Variants in RAPGEF6 observed in about 807,000 individuals in gnomAD.
RAPGEF6 encodes Rap guanine nucleotide exchange factor 6.
Under a neutral mutation model 171.4 loss-of-function variants are expected in RAPGEF6, and 56 were observed. The observed-to-expected ratio is 0.33, with a 90% CI of 0.26 to 0.41. The LOEUF (loss-of-function observed/expected upper bound fraction) is 0.41, where lower values mean the gene tolerates loss of function less well. Among genes scored for constraint, RAPGEF6 ranks in the 10% least tolerant of loss-of-function variants. RAPGEF6 has a pLI of 1.00. For missense variants in RAPGEF6, 1,674 were observed against 1,921.4 expected (o/e 0.87, Z 2.41); for synonymous variants, 692 against 650.1 (o/e 1.06, Z -0.98).
intron 24 of RAPGEF6, among the ~76,000 whole-genome samples, chr5:131,434,083 T>C (rs1431527744): frequency 6.6e-6 from 1 of 152,226 alleles, no homozygotes; most frequent in East Asian, 1.9e-4. Context: ...CTTGACCTGA[T>C]CTGAATCCCA....
At position 131,469,836 on chromosome 5, in the gene RAPGEF6, G is replaced by A; in HGVS notation, c.2239+2751C>T. 3.3e-6 allele frequency: 5 copies of A among 1,517,388 alleles called. No individual in the cohort carries two copies. In the South Asian group the frequency reaches 6.1e-5, roughly 19 times the overall value. 94.0% of individuals were successfully genotyped at this position (1,517,388 alleles called of 1,614,324 possible). A position where few individuals can be genotyped will look rare whatever the true frequency, so the allele number is the denominator to read the frequency against. Reference sequence around the variant, plus strand: ...AACAGCTGTATGCAGCAAAAATAAAGCAAAATCAAAGTAAGCAATCAAAAA... The same window carrying A: ...AACAGCTGTATGCAGCAAAAATAAAACAAAATCAAAGTAAGCAATCAAAAA... On this transcript the variant is annotated intron_variant, in intron 17 of 27. Transcript: ENST00000509018.
intron 9 of RAPGEF6, among the ~76,000 whole-genome samples, chr5:131,506,219 T>C (rs767719429): frequency 1.3e-5 from 2 of 152,200 alleles, no homozygotes; most frequent in Non-Finnish European, 2.9e-5. Context: ...TAGCTCACTG[T>C]AGCTTCAAAG....
intron 6 of RAPGEF6, among the ~76,000 whole-genome samples, chr5:131,526,969 G>A (rs1268113487): frequency 6.6e-6 from 1 of 152,146 alleles, no homozygotes; most frequent in African/African-American, 2.4e-5. Flanking sequence ...GAGGTATTGA[G>A]AAAAGGCTAG....
At chr5:131,573,757 C>T (rs1006606149) in intron 4 of RAPGEF6, among the ~76,000 whole-genome samples, 18 of 152,120 alleles carry the variant, frequency 1.2e-4, no homozygotes, top group African/African-American at 2.7e-4. Context: ...AAACTACCCA[C>T]GGTAAAGATG....
chr5:131,523,159 C>T (rs746465618), intron 6 of RAPGEF6, among the ~76,000 whole-genome samples: 1 of 151,922 alleles, frequency 6.6e-6, no homozygotes, highest in Non-Finnish European at 1.5e-5. Flanking sequence ...ATAGGGTTAC[C>T]AGACACAGTC....
intron 7 of RAPGEF6, among the ~76,000 whole-genome samples, chr5:131,517,049 A>G (rs1758130669): frequency 6.6e-6 from 1 of 152,194 alleles, no homozygotes; most frequent in African/African-American, 2.4e-5. Flanking sequence ...GTTCTTACTT[A>G]TAAGTGGGCG....
chr5:131,472,740 C>T lies in RAPGEF6; in HGVS notation c.2086G>A (p.Gly696Arg), dbSNP rs781592513. The stretch of plus-strand genomic sequence containing the variant: ...TCATCTTGTGATTGGCTTAGGCCTC[C>T]ATCACTTCAAAAGAATGTCATATAT... ...SILPPKLFSD[G>R]GLSQSQDDSI... The change falls in exon 17 of 28, where the codon GGA (glycine) becomes AGA (arginine). Residue 696 changes from glycine to arginine, a missense_variant. Around this residue, in one of 3 missense-constraint regions of RAPGEF6, gnomAD observed 1,116 missense variants for 1,321.5 expected, o/e 0.84. Coordinates refer to ENST00000509018, the MANE Select transcript of RAPGEF6 (RefSeq NM_016340.6). 1.2e-6 allele frequency: 2 copies of T among 1,607,366 alleles called. No homozygotes were observed. Among genetic ancestry groups the T allele is most frequent in the Admixed American group, 1.7e-5 (1 of 59,976 alleles).
At chr5:131,479,314 T>C (rs1755312544) in intron 16 of RAPGEF6, among the ~76,000 whole-genome samples, 199 bp downstream of exon 16, 1 of 152,178 alleles carries the variant, frequency 6.6e-6, no homozygotes, top group Non-Finnish European at 1.5e-5. Flanking sequence ...AATAATGCTA[T>C]TATATAATCT....
At position 131,511,479 on chromosome 5, in the gene RAPGEF6, ATCTTTTTTTTTTTTTTT is replaced by A. The variant is rs1301841745; in HGVS notation, c.628-1005_628-989del. On this transcript the variant is annotated intron_variant, in intron 7 of 27. Transcript: ENST00000509018. ...ACCCTTTTTTACTGCCAAAAAGATC[ATCTTTTTTTTTTTTTTT>A]TCTTTTTTTTGAGACAGGTTCTCCC... 2.1e-4 allele frequency among the ~76,000 whole-genome samples: 17 copies of A among 79,468 alleles called. No individual in the cohort carries two copies. In the East Asian group the frequency reaches 4.3e-3, roughly 20 times the overall value. The allele number at this position is 79,468 out of a possible 152,430, so 52.1% of individuals were successfully genotyped here.
At chr5:131,501,231 G>A (rs1451312963) in intron 11 of RAPGEF6, among the ~76,000 whole-genome samples, 1 of 151,968 alleles carries the variant, frequency 6.6e-6, no homozygotes, top group Non-Finnish European at 1.5e-5. Context: ...AGCTACCTAG[G>A]AGGCTGAGGC....
intron 3 of RAPGEF6, among the ~76,000 whole-genome samples, chr5:131,596,326 T>G (rs1344985724): frequency 6.7e-6 from 1 of 148,550 alleles, no homozygotes; most frequent in African/African-American, 2.5e-5. Flanking sequence ...AACAATTACA[T>G]TATTTATAAT....
At chr5:131,559,081 C>T (rs969029056) in intron 5 of RAPGEF6, among the ~76,000 whole-genome samples, 5 of 152,090 alleles carry the variant, frequency 3.3e-5, no homozygotes, top group Admixed American at 6.5e-5. Context: ...TTAATCCCAG[C>T]GCTTTGGGAG....
intron 11 of RAPGEF6, among the ~76,000 whole-genome samples, chr5:131,503,187 GA>G (rs1208605958): frequency 1.3e-5 from 2 of 152,036 alleles, no homozygotes; most frequent in East Asian, 1.9e-4. Context: ...TTGTTTTTAG[GA>G]AATACACAAT....
In RAPGEF6 at chr5:131,479,757, T is replaced by C. The variant is rs745671854; in HGVS notation, c.1841-4A>G. On this transcript the variant is annotated splice_polypyrimidine_tract_variant and splice_region_variant and intron_variant, in intron 15 of 27. Coordinates refer to ENST00000509018, the MANE Select transcript of RAPGEF6 (RefSeq NM_016340.6). ...CTAAAAAGTAACTCTTTGAACACTG[T>C]GGAAATAAAACAAATGCGTCATTTT... 1.9e-6 allele frequency: 3 copies of C among 1,602,054 alleles called. No homozygotes were observed. The African/African-American group carries it at 4.0e-5, about 22-fold the overall frequency.
chr5:131,591,126 A>T (rs1407632992), intron 4 of RAPGEF6, among the ~76,000 whole-genome samples: 1 of 152,232 alleles, frequency 6.6e-6, no homozygotes, highest in Non-Finnish European at 1.5e-5. Flanking sequence ...TTCTAAAATG[A>T]TATTTAAATT....
intron 19 of RAPGEF6, among the ~76,000 whole-genome samples, chr5:131,458,077 A>C (rs1233464772): frequency 6.6e-6 from 1 of 152,206 alleles, no homozygotes; most frequent in Non-Finnish European, 1.5e-5. Flanking sequence ...CCCATTCACA[A>C]CAGCAATAAA....
chr5:131,424,370 C>T lies in RAPGEF6; in HGVS notation c.*2896G>A, dbSNP rs1751301063. The T allele has an allele frequency of 6.6e-6, 1 of 152,288 alleles. No homozygotes were observed. Among genetic ancestry groups the T allele is most frequent in the African/African-American group, 2.4e-5 (1 of 41,442 alleles). The allele number at this position is 152,288 out of a possible 1,614,324, so 9.4% of individuals were successfully genotyped here. A position where few individuals can be genotyped will look rare whatever the true frequency, so the allele number is the denominator to read the frequency against. ...TTTTGACACTTTTCTGAAGATTTAT[C>T]CCGTTTTTCTAGCCTTTAAGGTAAT... is the stretch of plus-strand genomic sequence containing the variant. On this transcript the variant is annotated 3_prime_UTR_variant, in exon 28 of 28. Transcript: ENST00000509018.
At chr5:131,501,835 G>C (rs1561515758) in intron 11 of RAPGEF6, among the ~76,000 whole-genome samples, 1 of 152,132 alleles carries the variant, frequency 6.6e-6, no homozygotes, top group African/African-American at 2.4e-5. Flanking sequence ...TAGTGGAATT[G>C]TAACTCATGG....
At position 131,589,698 on chromosome 5, in the gene RAPGEF6, TAC is replaced by T. The variant is rs1454234361; in HGVS notation, c.281+2683_281+2684del. On this transcript the variant is annotated intron_variant, in intron 4 of 27. Coordinates refer to ENST00000509018, the MANE Select transcript of RAPGEF6 (RefSeq NM_016340.6). ...GTTCTCCTTTGCTAGCTGAAAATGT[TAC>T]AGTTTTGTCAGCAGAGGGTGCTAGA... Among the ~76,000 whole-genome samples, 3 of 152,356 alleles carry T rather than the reference TAC, an allele frequency of 2.0e-5. No homozygotes were observed. The South Asian group carries it at 6.2e-4, about 32-fold the overall frequency.
Sources: gnomAD v4.1 joint callset for allele counts (sites outside exome capture counted in the v4.1 genomes callset) on GRCh38, gnomAD v4.1.1 for gene constraint, gnomAD v4.1.1 regional missense constraint, MANE v1.5 for transcripts, NCBI Gene and HGNC (gene_info 2026-07-23, HGNC 2026-07-21) for gene names.